MAP2K4: variants seen among roughly 807,000 people sequenced by gnomAD.
The protein encoded by MAP2K4 is mitogen-activated protein kinase kinase 4.
In MAP2K4, 4 loss-of-function variants were observed where a neutral mutation model predicts 48.5. The observed-to-expected ratio is 0.08, with a 90% confidence interval of 0.04 to 0.19. The LOEUF (loss-of-function observed/expected upper bound fraction) is 0.19, where lower values mean the gene tolerates loss of function less well. Ranked by LOEUF, MAP2K4 falls within the 10% of genes least tolerant of loss-of-function variation. The pLI is 1.00. For synonymous variants in MAP2K4, 166 were observed against 173.1 expected (o/e 0.96, Z 0.32); for missense variants, 258 against 493.3 (o/e 0.52, Z 4.52).
chr17:12,051,918 C>CT (rs35595956), intron 1 of MAP2K4, among the ~76,000 whole-genome samples: 51 of 151,182 alleles, frequency 3.4e-4, no homozygotes, highest in South Asian at 8.4e-4. Flanking sequence ...GAGAAGATGC[C>CT]TTTTTTTAAA....
In MAP2K4 at chr17:12,081,570, T is replaced by C. The variant is rs751304852; in HGVS notation, c.393+40T>C. ...GATTATTTTTGGTACTTTAATCCAT[T>C]AGGTGAAATTTCATGGTGCAGTAAT... On this transcript the variant is annotated intron_variant, in intron 3 of 10. Coordinates refer to ENST00000353533, the MANE Select transcript of MAP2K4 (RefSeq NM_003010.4). The surrounding 1 kb of genome is among the most constrained non-coding windows in gnomAD (Gnocchi z 4.2). 5 of 1,591,612 alleles carry C rather than the reference T, an allele frequency of 3.1e-6. No homozygotes were observed. The highest frequency in any genetic ancestry group is 2.2e-5 in the East Asian group (1 of 44,670).
intron 2 of MAP2K4, among the ~76,000 whole-genome samples, chr17:12,064,880 A>G (rs1245797173): frequency 6.6e-6 from 1 of 152,222 alleles, no homozygotes; most frequent in Non-Finnish European, 1.5e-5. Context: ...CTTCCTCAAT[A>G]AAGTGGAGAA....
chr17:12,109,506 G>C (rs917615909), intron 5 of MAP2K4, among the ~76,000 whole-genome samples: 2 of 152,170 alleles, frequency 1.3e-5, no homozygotes, highest in African/African-American at 4.8e-5. Flanking sequence ...ACAGCAAATA[G>C]TTGGCCTGTT....
intron 1 of MAP2K4, among the ~76,000 whole-genome samples, chr17:12,024,305 AG>A (rs2151504544): frequency 6.6e-6 from 1 of 152,338 alleles, no homozygotes; most frequent in East Asian, 1.9e-4. Context: ...TGATTATAAG[AG>A]TAATCAACAG....
intron 4 of MAP2K4, among the ~76,000 whole-genome samples, chr17:12,103,302 C>T (rs1308681142): frequency 1.3e-5 from 2 of 151,846 alleles, no homozygotes; most frequent in Non-Finnish European, 2.9e-5. Context: ...CCACCTTGGC[C>T]CCCTAAAGCA....
At chr17:12,102,914 A>C (rs1971980410) in intron 4 of MAP2K4, among the ~76,000 whole-genome samples, 1 of 151,140 alleles carries the variant, frequency 6.6e-6, no homozygotes, top group South Asian at 2.1e-4. Flanking sequence ...TGTTTCTGAT[A>C]CTGGTAATTT....
chr17:12,042,407 C>T (rs147198601), intron 1 of MAP2K4, among the ~76,000 whole-genome samples: 1 of 152,102 alleles, frequency 6.6e-6, no homozygotes, highest in East Asian at 1.9e-4. Flanking sequence ...CAGGTGTGCC[C>T]TGGAGGGTGG....
At chr17:12,067,737 G>A (rs1159280214) in intron 2 of MAP2K4, among the ~76,000 whole-genome samples, 1 of 152,158 alleles carries the variant, frequency 6.6e-6, no homozygotes, top group Non-Finnish European at 1.5e-5. Context: ...TCCAGTATGT[G>A]TTCTTTCATA....
Position 12,134,049 on chromosome 17 carries a change from G to A in MAP2K4, c.1040+4762G>A, listed in dbSNP as rs569709062. 9.8e-5 allele frequency among the ~76,000 whole-genome samples: 15 copies of A among 152,302 alleles called. No homozygotes were observed. The East Asian group carries it at 1.5e-3, about 16-fold the overall frequency. On this transcript the variant is annotated intron_variant, in intron 9 of 10. Coordinates refer to ENST00000353533, the MANE Select transcript of MAP2K4 (RefSeq NM_003010.4). ...ACAACGCCTGTGTTGGTTAGAGGGC[G>A]GGAGCACAGTGCATGCTGTTAGAGC...
intron 1 of MAP2K4, among the ~76,000 whole-genome samples, chr17:12,022,088 A>G (rs895495749): frequency 4.6e-5 from 7 of 152,194 alleles, no homozygotes; most frequent in Admixed American, 2.6e-4. Context: ...CTTGGTAGTC[A>G]GTGTGACCAT....
At chr17:12,069,444 T>C (rs1011506543) in intron 2 of MAP2K4, among the ~76,000 whole-genome samples, 2 of 152,172 alleles carry the variant, frequency 1.3e-5, no homozygotes, top group African/African-American at 4.8e-5. Context: ...AATGTTTGTC[T>C]TGTCCTCTTT....
chr17:12,028,176 G>A (rs1461454108), intron 1 of MAP2K4, among the ~76,000 whole-genome samples: 1 of 152,176 alleles, frequency 6.6e-6, no homozygotes, highest in Non-Finnish European at 1.5e-5. Flanking sequence ...TCATTAAACA[G>A]GCTTGAGAAG....
Position 12,139,759 on chromosome 17 carries a change from G to A in MAP2K4, c.1041-80G>A, listed in dbSNP as rs376096766. On this transcript the variant is annotated intron_variant, in intron 9 of 10. Transcript: ENST00000353533. ...GAAGGAAAGAACTATTTCATTATTT[G>A]TAATATTTCATCTGTGAAAAGAAAA... The A allele has an allele frequency of 9.3e-5, 92 of 983,986 alleles. 1 individual carries two copies. Among genetic ancestry groups the A allele is most frequent in the African/African-American group, 8.5e-4 (52 of 61,366 alleles). The allele number at this position is 983,986 out of a possible 1,614,324, so 61.0% of individuals were successfully genotyped here.
Position 12,081,255 on chromosome 17 carries a change from G to A in MAP2K4, c.219-101G>A, listed in dbSNP as rs767873041. Reference sequence around the variant, plus strand: ...AAAACCTGGAGGTCAGACTATTTTAGTAATTTAGAAAACATTTTTCCCACA... The same window carrying A: ...AAAACCTGGAGGTCAGACTATTTTAATAATTTAGAAAACATTTTTCCCACA... On this transcript the variant is annotated intron_variant, in intron 2 of 10. Coordinates refer to ENST00000353533, the MANE Select transcript of MAP2K4 (RefSeq NM_003010.4). The surrounding 1 kb of genome is among the most constrained non-coding windows in gnomAD (Gnocchi z 4.2). The A allele has an allele frequency of 1.6e-5, 14 of 889,418 alleles. No homozygotes were observed. Among genetic ancestry groups the A allele is most frequent in the Non-Finnish European group, 2.3e-5 (14 of 597,260 alleles). The allele number at this position is 889,418 out of a possible 1,614,324, so 55.1% of individuals were successfully genotyped here. A position where few individuals can be genotyped will look rare whatever the true frequency, so the allele number is the denominator to read the frequency against.
chr17:12,108,457 C>T (rs967545560), intron 5 of MAP2K4, among the ~76,000 whole-genome samples: 1 of 152,062 alleles, frequency 6.6e-6, no homozygotes, highest in East Asian at 1.9e-4. Context: ...TTGGTTAACT[C>T]ACTTTTACCA....
intron 7 of MAP2K4, among the ~76,000 whole-genome samples, chr17:12,116,231 A>G (rs1190314841): frequency 1.3e-5 from 2 of 152,200 alleles, no homozygotes; most frequent in African/African-American, 4.8e-5. Flanking sequence ...TAAATTATTC[A>G]AATCTAAAAA....
At chr17:12,125,972 C>T (rs571609561) in intron 8 of MAP2K4, among the ~76,000 whole-genome samples, 112 of 152,196 alleles carry the variant, frequency 7.4e-4, no homozygotes, top group African/African-American at 2.5e-3. Context: ...CTCACAGCTC[C>T]ACAGGTCGTA....
chr17:12,087,278 G>T (rs1233684477), intron 3 of MAP2K4, among the ~76,000 whole-genome samples: 1 of 152,148 alleles, frequency 6.6e-6, no homozygotes, highest in Non-Finnish European at 1.5e-5. Flanking sequence ...GTATATGTCA[G>T]ATTTCTATTG....
chr17:12,060,988 A>C (rs1970433933), intron 2 of MAP2K4, among the ~76,000 whole-genome samples: 1 of 151,932 alleles, frequency 6.6e-6, no homozygotes, highest in Non-Finnish European at 1.5e-5. Flanking sequence ...CCTTCCTTCT[A>C]GCCCTGGCGC....
Sources: gnomAD v4.1 joint callset for allele counts (sites outside exome capture counted in the v4.1 genomes callset) on GRCh38, gnomAD v4.1.1 for gene constraint, Gnocchi (gnomAD v3.1) non-coding constraint, MANE v1.5 for transcripts, NCBI Gene and HGNC (gene_info 2026-07-23, HGNC 2026-07-21) for gene names.